The following MYOM1 variants were observed in gnomAD, a reference collection of about 807,000 sequenced individuals.
MYOM1 encodes the protein myomesin 1.
In MYOM1, 164 loss-of-function variants were observed where a neutral mutation model predicts 205.3. The observed-to-expected ratio is 0.80, with a 90% CI of 0.70 to 0.91. The LOEUF is 0.91. Ranked by LOEUF, MYOM1 falls within the 40% of genes least tolerant of loss-of-function variation. The pLI is 0.00. For synonymous variants in MYOM1, 772 were observed against 789.4 expected, an observed-to-expected ratio of 0.98 and a Z score of 0.37; for missense variants, 2,011 against 2,127.3, an observed-to-expected ratio of 0.95 and a Z score of 1.08.
chr18:3,106,348 G>C (rs1486052124), intron 22 of MYOM1, among the ~76,000 whole-genome samples: 3 of 152,132 alleles, frequency 2.0e-5, no homozygotes, highest in Non-Finnish European at 4.4e-5. Context: ...TTGCTTATTT[G>C]CCTTTTTAAA....
rs533870701 is a variant in MYOM1 at position 3,141,015 on chromosome 18, C to G, written c.2025+924G>C. On this transcript the variant is annotated intron_variant, in intron 14 of 37. Coordinates refer to ENST00000356443, the MANE Select transcript of MYOM1 (RefSeq NM_003803.4). ...TTCATTTTCTCAATTATATCCTAAT[C>G]AGAACCTTTTTAACAAATGGATTTT... is the stretch of plus-strand genomic sequence containing the variant. Among the ~76,000 whole-genome samples the G allele has an allele frequency of 7.9e-5, 12 of 152,238 alleles. No individual in the cohort carries two copies. The South Asian group carries it at 1.5e-3, about 18-fold the overall frequency.
intron 9 of MYOM1, among the ~76,000 whole-genome samples, chr18:3,167,586 T>C (rs1332709648): frequency 6.6e-6 from 1 of 152,100 alleles, no homozygotes; most frequent in Admixed American, 6.5e-5. Flanking sequence ...GGTTTCACCA[T>C]GTTGGCCAGG....
Position 3,119,954 on chromosome 18 carries a change from C to G in MYOM1, c.3033G>C (p.Val1011=). The G allele has an allele frequency of 6.2e-7, 1 of 1,609,684 alleles. No individual in the cohort carries two copies. The highest frequency in any genetic ancestry group is 1.1e-5 in the South Asian group (1 of 90,284). ...LKENMVYQFQ[V]AAMNMAGLGA... The stretch of plus-strand genomic sequence containing the variant: ...CCAGCCCAGCCATGTTCATGGCTGC[C>G]ACTTGGAACTGATACACCATGTTTT... The change falls in exon 20 of 38, where the codon GTG becomes GTC. Residue 1011 remains valine, a synonymous_variant. Transcript: ENST00000356443.
rs1442933124 is a variant in MYOM1 at position 3,099,243 on chromosome 18, G to GT, written c.3727+915dup. ...AATTCATTCTAGAGCAGTGGTGTGT[G>GT]TTTTTAAATTACAGTCTCCATTGGG... On this transcript the variant is annotated intron_variant, in intron 25 of 37. Transcript: ENST00000356443. Among the ~76,000 whole-genome samples the GT allele has an allele frequency of 1.1e-4, 16 of 152,200 alleles. 1 individual carries two copies. Among genetic ancestry groups the GT allele is most frequent in the African/African-American group, 3.6e-4 (15 of 41,448 alleles).
Position 3,129,519 on chromosome 18 carries a change from C to G in MYOM1, c.2507G>C (p.Gly836Ala), listed in dbSNP as rs758019001. 3 of 1,604,432 alleles carry G rather than the reference C, an allele frequency of 1.9e-6. No individual in the cohort carries two copies. Among genetic ancestry groups the G allele is most frequent in the East Asian group, 2.2e-5 (1 of 44,766 alleles). The change falls in exon 18 of 38, where the codon GGG becomes GCG. Residue 836 changes from glycine to alanine, a missense_variant and splice_region_variant. Transcript: ENST00000356443. ...ACACACATCTGGAGACACTCCTCCC[C>G]CTACAGTTGCCAGACAACAACAGAA... ...SEAIEVKAAIGGGVSPDVCPA... is the reference protein window; with the variant it reads ...SEAIEVKAAIAGGVSPDVCPA...
At chr18:3,198,512 G>A (rs982696775) in intron 2 of MYOM1, among the ~76,000 whole-genome samples, 11 of 152,164 alleles carry the variant, frequency 7.2e-5, no homozygotes, top group East Asian at 1.9e-4. Flanking sequence ...ATGGCCAGGC[G>A]CAGTGGCTTA....
At chr18:3,183,975 A>G (rs997290031) in intron 5 of MYOM1, among the ~76,000 whole-genome samples, 2 of 150,970 alleles carry the variant, frequency 1.3e-5, no homozygotes, top group African/African-American at 4.9e-5. Flanking sequence ...GTGCCATCTC[A>G]GCTCACTGCA....
chr18:3,076,291 C>T (rs760585185), intron 34 of MYOM1, among the ~76,000 whole-genome samples: 45 of 152,160 alleles, frequency 3.0e-4, no homozygotes, highest in Non-Finnish European at 5.7e-4. Flanking sequence ...TGGTCTCAAA[C>T]TCCTGACCTT....
At position 3,067,174 on chromosome 18, in the gene MYOM1, G is replaced by A; in HGVS notation, c.*88C>T. The A allele has an allele frequency of 7.3e-7, 1 of 1,375,984 alleles. No individual in the cohort carries two copies. The highest frequency in any genetic ancestry group is 9.8e-7 in the Non-Finnish European group (1 of 1,021,558). 85.2% of individuals were successfully genotyped at this position (1,375,984 alleles called of 1,614,324 possible). A position where few individuals can be genotyped will look rare whatever the true frequency, so the allele number is the denominator to read the frequency against. On this transcript the variant is annotated 3_prime_UTR_variant, in exon 38 of 38. Coordinates refer to ENST00000356443, the MANE Select transcript of MYOM1 (RefSeq NM_003803.4). The stretch of plus-strand genomic sequence containing the variant: ...TCCCCTCAAGCCAGAAAATAATAGG[G>A]AGGAGAAAGCATGAAGACGTCTCAT...
the MYOM1 span, among the ~76,000 whole-genome samples, chr18:3,225,295 C>T: frequency 6.6e-6 from 1 of 152,194 alleles, no homozygotes; most frequent in South Asian, 2.1e-4. Flanking sequence ...CCTGGGATTA[C>T]TTTTTATTCT....
intron 21 of MYOM1, among the ~76,000 whole-genome samples, chr18:3,114,347 G>A (rs1411574116): frequency 6.6e-6 from 1 of 151,238 alleles, no homozygotes; most frequent in Admixed American, 6.6e-5. Flanking sequence ...CCACAAATAC[G>A]TAATCGAGAT....
At chr18:3,184,911 A>G (rs1466684879) in intron 5 of MYOM1, among the ~76,000 whole-genome samples, 1 of 152,238 alleles carries the variant, frequency 6.6e-6, no homozygotes, top group Non-Finnish European at 1.5e-5. Context: ...CCCCTAGGAC[A>G]TAAACTTCAC....
At chr18:3,186,321 C>T (rs2080808833) in intron 5 of MYOM1, among the ~76,000 whole-genome samples, 2 of 152,266 alleles carry the variant, frequency 1.3e-5, no homozygotes, top group Admixed American at 1.3e-4. Context: ...GAGAAGGACG[C>T]AGACACTCTG....
intron 5 of MYOM1, among the ~76,000 whole-genome samples, chr18:3,182,910 CTTCTTTTTTTTTTT>C (rs1456747970): frequency 1.7e-5 from 2 of 115,478 alleles, no homozygotes; most frequent in Non-Finnish European, 3.7e-5. Context: ...ACTTTTCTTT[CTTCTTTTTTTTTTT>C]TTTTTTTTTT....
intron 2 of MYOM1, among the ~76,000 whole-genome samples, chr18:3,197,816 T>G (rs1327246093): frequency 6.6e-6 from 1 of 151,942 alleles, no homozygotes; most frequent in Non-Finnish European, 1.5e-5. Context: ...GAGCTTGCAG[T>G]GAGCCGAGAT....
At chr18:3,074,002 A>G (rs1470521795) in intron 36 of MYOM1, among the ~76,000 whole-genome samples, 1 of 152,208 alleles carries the variant, frequency 6.6e-6, no homozygotes, top group South Asian at 2.1e-4. Flanking sequence ...TCCTGCATCA[A>G]TTTGAAGTAA....
chr18:3,095,370 A>G (rs1292518052), intron 25 of MYOM1, among the ~76,000 whole-genome samples: 1 of 152,094 alleles, frequency 6.6e-6, no homozygotes, highest in Non-Finnish European at 1.5e-5. Flanking sequence ...GAAGTTCGAG[A>G]CCAGCCTGGC....
intron 14 of MYOM1, among the ~76,000 whole-genome samples, chr18:3,141,487 C>G (rs1162441899): frequency 1.3e-5 from 2 of 152,184 alleles, no homozygotes; most frequent in Non-Finnish European, 2.9e-5. Context: ...CTTCCACACT[C>G]CCGGCCATTT....
intron 25 of MYOM1, 143 bp downstream of exon 25, chr18:3,100,016 C>T: frequency 1.2e-6 from 1 of 812,846 alleles, no homozygotes; most frequent in Non-Finnish European, 2.0e-6. Context: ...CTAGAAAGCA[C>T]ATCTGTAGCT....
Sources: allele counts gnomAD v4.1 joint callset (sites outside exome capture counted in the v4.1 genomes callset), GRCh38; gene constraint gnomAD v4.1.1; transcripts MANE v1.5; gene names NCBI Gene and HGNC (gene_info 2026-07-23, HGNC 2026-07-21).